The following ABCC4 variants were observed in gnomAD, a reference collection of about 807,000 sequenced individuals.
The protein encoded by ABCC4 is ATP binding cassette subfamily C member 4 (PEL blood group), also known as ATP-binding cassette sub-family C member 4.
Under a neutral mutation model 168.5 loss-of-function variants are expected in ABCC4, and 102 were observed. The observed-to-expected ratio is 0.61, with a 90% CI of 0.52 to 0.71. The LOEUF (loss-of-function observed/expected upper bound fraction) is 0.71. Ranked by LOEUF, ABCC4 falls within the 30% of genes least tolerant of loss-of-function variation. The pLI is 0.00. For missense variants in ABCC4, 1,402 were observed against 1,605.8 expected (o/e 0.87, Z 2.17); for synonymous variants, 617 against 590.7 (o/e 1.04, Z -0.65).
At chr13:95,225,704 T>G (rs2039444192) in intron 4 of ABCC4, among the ~76,000 whole-genome samples, 2 of 152,032 alleles carry the variant, frequency 1.3e-5, no homozygotes, top group South Asian at 4.1e-4. Context: ...AAAATACCAT[T>G]TATAACAGCA....
chr13:95,141,806 G>A (rs2036326992), intron 19 of ABCC4, among the ~76,000 whole-genome samples: 1 of 152,200 alleles, frequency 6.6e-6, no homozygotes, highest in Middle Eastern at 3.2e-3. Flanking sequence ...TTACGATGCT[G>A]ACCAGGCTGG....
At chr13:95,118,141 C>T (rs1240938233) in intron 19 of ABCC4, among the ~76,000 whole-genome samples, 4 of 152,162 alleles carry the variant, frequency 2.6e-5, no homozygotes, top group Admixed American at 2.0e-4. Context: ...AATCAAAACT[C>T]TTATCAACAA....
intron 9 of ABCC4, among the ~76,000 whole-genome samples, chr13:95,190,460 T>C (rs945638443): frequency 6.6e-6 from 1 of 152,152 alleles, no homozygotes; most frequent in Non-Finnish European, 1.5e-5. Flanking sequence ...AAGGGATAGT[T>C]TACCAGAGCA....
intron 30 of ABCC4, among the ~76,000 whole-genome samples, chr13:95,031,418 CTCCCCCAGCAA>C (rs1469005717): frequency 6.6e-6 from 1 of 152,210 alleles, no homozygotes; most frequent in Non-Finnish European, 1.5e-5. Context: ...AGACATCGGC[CTCCCCCAGCAA>C]TCTACCTTCT....
chr13:95,175,636 A>T (rs1304260138), intron 13 of ABCC4, among the ~76,000 whole-genome samples: 1 of 152,160 alleles, frequency 6.6e-6, no homozygotes, highest in Non-Finnish European at 1.5e-5. Flanking sequence ...AAGTAATTAC[A>T]CTAAAATGAG....
At position 95,126,201 on chromosome 13, in the gene ABCC4, C is replaced by T. The variant is rs142635557; in HGVS notation, c.2456-10200G>A. Among the ~76,000 whole-genome samples, 899 of 152,086 alleles carry T rather than the reference C, an allele frequency of 5.9e-3. 8 individuals are homozygous for T. The highest frequency in any genetic ancestry group is 0.02 in the African/African-American group (835 of 41,406). On this transcript the variant is annotated intron_variant, in intron 19 of 30. Coordinates refer to ENST00000645237, the MANE Select transcript of ABCC4 (RefSeq NM_005845.5). ...TACTGCTCCAGTATCCTGTCACTGT[C>T]GTTTGCGGCTAAATGCTCATGGAAT...
rs1566539346 is a variant in ABCC4 at position 95,218,917 on chromosome 13, GAGAAAGAAAGAGAAAGAAAGAA to G, written c.532-8158_532-8137del. 4.4e-4 allele frequency among the ~76,000 whole-genome samples: 16 copies of G among 36,042 alleles called. 2 individuals are homozygous for G. Among genetic ancestry groups the G allele is most frequent in the Non-Finnish European group, 8.3e-4 (15 of 18,062 alleles). 23.6% of individuals were successfully genotyped at this position (36,042 alleles called of 152,430 possible). A position where few individuals can be genotyped will look rare whatever the true frequency, so the allele number is the denominator to read the frequency against. On this transcript the variant is annotated intron_variant, in intron 4 of 30. Transcript: ENST00000645237. The stretch of plus-strand genomic sequence containing the variant: ...TGAGAGAGAGAGAAAGAGAGAGAGA[GAGAAAGAAAGAGAAAGAAAGAA>G]AGAAAGAAAGAAAGAAAGAAAGAAA...
At chr13:95,183,788 C>A (rs1221407817) in intron 11 of ABCC4, among the ~76,000 whole-genome samples, 1 of 152,174 alleles carries the variant, frequency 6.6e-6, no homozygotes, top group Non-Finnish European at 1.5e-5. Context: ...GTGGCGCACA[C>A]CTGTGACCCC....
At chr13:95,286,040 G>A (rs527657331) in intron 1 of ABCC4, among the ~76,000 whole-genome samples, 1 of 152,056 alleles carries the variant, frequency 6.6e-6, no homozygotes, top group Admixed American at 6.6e-5. Flanking sequence ...TGCTATTAAC[G>A]GAAAAAGGGA....
intron 1 of ABCC4, among the ~76,000 whole-genome samples, chr13:95,254,599 A>G (rs1396450774): frequency 1.3e-5 from 2 of 152,192 alleles, no homozygotes; most frequent in Non-Finnish European, 2.9e-5. Flanking sequence ...TTCCAAAGAA[A>G]AGAAAACCTT....
chr13:95,058,737 G>GT (rs1396306702), intron 26 of ABCC4, among the ~76,000 whole-genome samples: 1 of 152,128 alleles, frequency 6.6e-6, no homozygotes, highest in African/African-American at 2.4e-5. Flanking sequence ...TCATCTCCAG[G>GT]TAAGTTATTA....
intron 25 of ABCC4, among the ~76,000 whole-genome samples, chr13:95,070,748 G>T (rs75229326): frequency 0.04 from 6,025 of 152,236 alleles, 174 homozygotes; most frequent in Middle Eastern, 0.078. Flanking sequence ...GCTCATTAAG[G>T]TTGCAGCAGC....
At chr13:95,024,994 G>A (rs1412511188) in intron 30 of ABCC4, among the ~76,000 whole-genome samples, 1 of 151,950 alleles carries the variant, frequency 6.6e-6, no homozygotes, top group Non-Finnish European at 1.5e-5. Context: ...ACAATCATAG[G>A]AATTCTCCAG....
At chr13:95,025,669 AATT>A (rs1229916859) in intron 30 of ABCC4, among the ~76,000 whole-genome samples, 2 of 151,754 alleles carry the variant, frequency 1.3e-5, no homozygotes, top group South Asian at 2.1e-4. Flanking sequence ...GAATAATAAA[AATT>A]ATTATTATAA....
chr13:95,200,277 C>T (rs774895333), intron 8 of ABCC4, among the ~76,000 whole-genome samples: 9 of 152,204 alleles, frequency 5.9e-5, no homozygotes, highest in South Asian at 2.1e-4. Context: ...CAGGTGTCTG[C>T]GTGCTTCCTC....
At chr13:95,101,459 T>C (rs2034803490) in intron 20 of ABCC4, among the ~76,000 whole-genome samples, 1 of 152,148 alleles carries the variant, frequency 6.6e-6, no homozygotes, top group African/African-American at 2.4e-5. Context: ...GTGTGCAAGT[T>C]AGCACACTCG....
At chr13:95,029,177 T>C (rs1160192362) in intron 30 of ABCC4, among the ~76,000 whole-genome samples, 4 of 22,636 alleles carry the variant, frequency 1.8e-4, no homozygotes, top group Non-Finnish European at 1.8e-4. Flanking sequence ...CATATATATA[T>C]ATATATATAT....
At chr13:95,239,457 C>T (rs183185312) in intron 3 of ABCC4, among the ~76,000 whole-genome samples, 2 of 152,156 alleles carry the variant, frequency 1.3e-5, no homozygotes, top group East Asian at 3.9e-4. Context: ...TGGTTGATTC[C>T]ACAGCTGGGG....
chr13:95,043,206 A>T (rs2032434106), intron 29 of ABCC4: 1 of 152,812 alleles, frequency 6.5e-6, no homozygotes, highest in Non-Finnish European at 1.5e-5. Flanking sequence ...ATAATTTGTG[A>T]TGGATCTTCT....
Sources: gnomAD v4.1 joint callset for allele counts (sites outside exome capture counted in the v4.1 genomes callset) on GRCh38, gnomAD v4.1.1 for gene constraint, MANE v1.5 for transcripts, NCBI Gene and HGNC (gene_info 2026-07-23, HGNC 2026-07-21) for gene names.